ENTREP2: variants seen among roughly 807,000 people sequenced by gnomAD.
ENTREP2 encodes endosomal transmembrane epsin interactor 2, also known as protein ENTREP2.
chr15:29,457,699 A>T, the ENTREP2 span, among the ~76,000 whole-genome samples: 1 of 152,220 alleles, frequency 6.6e-6, no homozygotes, highest in East Asian at 1.9e-4. Context: ...CATCAGCATG[A>T]AGCTGCTAAG....
At chr15:29,309,389 A>G in the ENTREP2 span, among the ~76,000 whole-genome samples, 1 of 152,176 alleles carries the variant, frequency 6.6e-6, no homozygotes, top group Non-Finnish European at 1.5e-5. Flanking sequence ...AGAGGCAGCA[A>G]TATGCTAAAA....
At chr15:29,624,871 TTGTGTGTGTGTGTG>T in the ENTREP2 span, among the ~76,000 whole-genome samples, 14 of 143,718 alleles carry the variant, frequency 9.7e-5, no homozygotes, top group Admixed American at 3.5e-4. Flanking sequence ...CTGCATTAAT[TTGTGTGTGTGTGTG>T]TGTGTGTGTG....
the ENTREP2 span, among the ~76,000 whole-genome samples, chr15:29,561,799 A>G: frequency 6.6e-6 from 1 of 152,202 alleles, no homozygotes; most frequent in African/African-American, 2.4e-5. Context: ...TTGGGTGGCA[A>G]TCATCAACGG....
the ENTREP2 span, among the ~76,000 whole-genome samples, chr15:29,425,801 G>T: frequency 6.6e-6 from 1 of 151,842 alleles, no homozygotes; most frequent in Non-Finnish European, 1.5e-5. Context: ...CAATAGCATA[G>T]ATATCTATAG....
chr15:29,252,447 C>T, the ENTREP2 span: 1 of 1,551,042 alleles, frequency 6.4e-7, no homozygotes, highest in South Asian at 1.2e-5. Flanking sequence ...CAGCATTACA[C>T]ACACTGCAGA....
chr15:29,243,809 G>A, the ENTREP2 span, among the ~76,000 whole-genome samples: 225 of 152,156 alleles, frequency 1.5e-3, 1 homozygote, highest in African/African-American at 5.0e-3. Flanking sequence ...AAGAAAACAC[G>A]AATAACATAA....
At chr15:29,446,326 T>C in the ENTREP2 span, among the ~76,000 whole-genome samples, 1 of 152,190 alleles carries the variant, frequency 6.6e-6, no homozygotes, top group African/African-American at 2.4e-5. Context: ...GGAGTGGCCA[T>C]GTGACCCAAT....
chr15:29,398,280 T>C, the ENTREP2 span, among the ~76,000 whole-genome samples: 1 of 151,830 alleles, frequency 6.6e-6, no homozygotes. Context: ...AATTCAGCAG[T>C]ACATTTAAAA....
the ENTREP2 span, among the ~76,000 whole-genome samples, chr15:29,161,270 T>C: frequency 6.6e-5 from 10 of 152,162 alleles, no homozygotes; most frequent in Non-Finnish European, 1.0e-4. Flanking sequence ...GTAGGTTCTC[T>C]ACAAAGACAG....
chr15:29,570,759 C>G, the ENTREP2 span: 4 of 854,154 alleles, frequency 4.7e-6, no homozygotes, highest in Non-Finnish European at 5.3e-6. Flanking sequence ...CCGCTCCCGC[C>G]CGGCCCGGCG....
chr15:29,461,762 C>T, the ENTREP2 span, among the ~76,000 whole-genome samples: 9 of 152,162 alleles, frequency 5.9e-5, no homozygotes, highest in African/African-American at 1.7e-4. Context: ...CATGAGCCAC[C>T]GTGCCCGGCC....
chr15:29,207,273 C>T, the ENTREP2 span, among the ~76,000 whole-genome samples: 1 of 152,172 alleles, frequency 6.6e-6, no homozygotes, highest in Admixed American at 6.5e-5. Context: ...AGAATTGGTT[C>T]CCGCCCGTGG....
At chr15:29,612,671 ACCTG>A in the ENTREP2 span, 1 of 153,074 alleles carries the variant, frequency 6.5e-6, no homozygotes, top group African/African-American at 2.4e-5. Context: ...ACCTACCAGT[ACCTG>A]CCCAGGGACC....
At chr15:29,438,749 T>C in the ENTREP2 span, among the ~76,000 whole-genome samples, 2 of 152,182 alleles carry the variant, frequency 1.3e-5, no homozygotes, top group African/African-American at 4.8e-5. Context: ...AATAAAGTTA[T>C]CCTTTTGCCT....
the ENTREP2 span, among the ~76,000 whole-genome samples, chr15:29,624,869 A>AGTG: frequency 3.3e-5 from 4 of 119,880 alleles, no homozygotes; most frequent in Admixed American, 1.6e-4. Flanking sequence ...CCCTGCATTA[A>AGTG]TTTGTGTGTG....
At chr15:29,533,287 C>A in the ENTREP2 span, among the ~76,000 whole-genome samples, 1 of 152,188 alleles carries the variant, frequency 6.6e-6, no homozygotes, top group African/African-American at 2.4e-5. Flanking sequence ...AATGTCCAGT[C>A]ACCCTGTCTA....
the ENTREP2 span, among the ~76,000 whole-genome samples, chr15:29,190,336 G>C: frequency 7.2e-5 from 11 of 151,884 alleles, no homozygotes; most frequent in Non-Finnish European, 1.5e-4. Flanking sequence ...AGAGAGGCTT[G>C]TTGGCCCCCA....
the ENTREP2 span, among the ~76,000 whole-genome samples, chr15:29,500,231 C>G: frequency 0.32 from 48,213 of 151,746 alleles, 8,472 homozygotes; most frequent in African/African-American, 0.47. Flanking sequence ...ACTTGAACAA[C>G]ACTATAAACC....
the ENTREP2 span, among the ~76,000 whole-genome samples, chr15:29,318,312 C>A: frequency 9.2e-6 from 1 of 108,146 alleles, no homozygotes; most frequent in African/African-American, 6.9e-5. Context: ...AAGGTATGTA[C>A]ACTTTTTTTT....
Sources: allele counts gnomAD v4.1 joint callset (sites outside exome capture counted in the v4.1 genomes callset), GRCh38; gene constraint gnomAD v4.1.1; transcripts MANE v1.5; gene names NCBI Gene and HGNC (gene_info 2026-07-23, HGNC 2026-07-21).